ERCC8: variants seen among roughly 807,000 people sequenced by gnomAD.
ERCC8 encodes the protein DNA excision repair protein ERCC-8.
Under a neutral mutation model 54.9 loss-of-function variants are expected in ERCC8, and 52 were observed. The ratio of observed to expected loss-of-function variants is 0.95; its 90% confidence interval spans 0.76 to 1.19. The LOEUF (loss-of-function observed/expected upper bound fraction) is 1.19. Ranked by LOEUF, ERCC8 falls within the 50% of genes most tolerant of loss-of-function variation. ERCC8 has a pLI of 0.00. For synonymous variants in ERCC8, 146 were observed against 157.2 expected (o/e 0.93, Z 0.53); for missense variants, 514 against 466.1 (o/e 1.10, Z -0.95).
At chr5:60,892,637 C>T (rs1432546109) in intron 9 of ERCC8, 7 of 657,166 alleles carry the variant, frequency 1.1e-5, no homozygotes, top group Non-Finnish European at 1.7e-5. Context: ...AAATCTCCTC[C>T]AGGTTGCAGC....
At chr5:60,926,469 T>G (rs1481021094) in intron 2 of ERCC8, among the ~76,000 whole-genome samples, 2 of 152,222 alleles carry the variant, frequency 1.3e-5, no homozygotes, top group African/African-American at 4.8e-5. Flanking sequence ...ATAAATTCAA[T>G]ACCAATTTAT....
At chr5:60,932,192 A>G (rs887543173) in intron 1 of ERCC8, 5 of 152,330 alleles carry the variant, frequency 3.3e-5, no homozygotes, top group African/African-American at 1.2e-4. Context: ...CAATAATACT[A>G]TAAAGGGAAA....
rs1401142655 is a variant in ERCC8 at position 60,866,700 on chromosome 5, C to T, written c.*7915G>A. On this transcript the variant is annotated 3_prime_UTR_variant, in exon 12 of 12. Coordinates refer to ENST00000676185, the MANE Select transcript of ERCC8 (RefSeq NM_000082.4). The stretch of plus-strand genomic sequence containing the variant: ...TTTTATAATGACACTCTACCTCTGC[C>T]TTCAATGAACTTTAATTATAATTAG... 1.3e-5 allele frequency: 2 copies of T among 152,198 alleles called. No individual in the cohort carries two copies. The highest frequency in any genetic ancestry group is 2.1e-4 in the South Asian group (1 of 4,826). 9.4% of individuals were successfully genotyped at this position (152,198 alleles called of 1,614,324 possible).
At chr5:60,891,769 T>C (rs2112477585) in intron 9 of ERCC8, among the ~76,000 whole-genome samples, 1 of 152,248 alleles carries the variant, frequency 6.6e-6, no homozygotes, top group Admixed American at 6.5e-5. Flanking sequence ...GGACTCTTTT[T>C]CCTGGAGAGA....
intron 4 of ERCC8, among the ~76,000 whole-genome samples, chr5:60,905,571 A>C (rs1749047817): frequency 6.6e-6 from 1 of 152,176 alleles, no homozygotes; most frequent in South Asian, 2.1e-4. Context: ...GTGTTGGCAA[A>C]CTTTCTTTAA....
chr5:60,935,321 G>T (rs1033472012), intron 1 of ERCC8, among the ~76,000 whole-genome samples: 3 of 152,052 alleles, frequency 2.0e-5, no homozygotes, highest in East Asian at 1.9e-4. Context: ...TTGAGTTTTT[G>T]ATTTGATCCT....
At chr5:60,898,510 A>T in intron 8 of ERCC8, 110 bp from the exon 9 acceptor site, 1 of 1,230,716 alleles carries the variant, frequency 8.1e-7, no homozygotes, top group Non-Finnish European at 1.2e-6. Flanking sequence ...TTACTTAAAA[A>T]ATGTAAGTAG....
chr5:60,913,869 G>A (rs966122821), intron 4 of ERCC8, among the ~76,000 whole-genome samples: 20 of 152,114 alleles, frequency 1.3e-4, no homozygotes, highest in African/African-American at 4.1e-4. Context: ...TTATTCAGGA[G>A]CAGGTTGTTC....
At chr5:60,932,688 TCA>T (rs33986769) in intron 1 of ERCC8, among the ~76,000 whole-genome samples, 9,651 of 152,200 alleles carry the variant, frequency 0.063, 1,002 homozygotes, top group African/African-American at 0.22. Flanking sequence ...CTGTAATAAA[TCA>T]CAGTCATGAG....
At position 60,903,732 on chromosome 5, in the gene ERCC8, C is replaced by T. The variant is rs762499617; in HGVS notation, c.482-16G>A. On this transcript the variant is annotated splice_polypyrimidine_tract_variant and intron_variant, in intron 5 of 11. Coordinates refer to ENST00000676185, the MANE Select transcript of ERCC8 (RefSeq NM_000082.4). ...CTAGTACCAACTGTAAAAACAGAAC[C>T]GGTTTAAGATAATTTTATCATAAGT... is the stretch of plus-strand genomic sequence containing the variant. 6.8e-6 allele frequency: 11 copies of T among 1,610,386 alleles called. No homozygotes were observed. The highest frequency in any genetic ancestry group is 1.3e-5 in the African/African-American group (1 of 74,724).
rs1473679855 is a variant in ERCC8, at chr5:60,904,632, GTGTATA to G, written c.481+154_481+159del. 8.8e-3 allele frequency among the ~76,000 whole-genome samples: 316 copies of G among 35,726 alleles called. 1 individual carries two copies. Among genetic ancestry groups the G allele is most frequent in the South Asian group, 0.024 (22 of 932 alleles). The allele number at this position is 35,726 out of a possible 152,430, so 23.4% of individuals were successfully genotyped here. ...TGTTGAATATATATAGTGTGTGTGT[GTGTATA>G]TATATATATATATATATATATATAT... is the stretch of plus-strand genomic sequence containing the variant. On this transcript the variant is annotated intron_variant, in intron 5 of 11. Transcript: ENST00000676185.
chr5:60,905,989 G>A (rs1749058938), intron 4 of ERCC8, among the ~76,000 whole-genome samples: 3 of 152,134 alleles, frequency 2.0e-5, no homozygotes, highest in Admixed American at 6.5e-5. Flanking sequence ...GGGCCACAGG[G>A]GCAGTTGGCA....
chr5:60,906,793 T>A (rs976128644), intron 4 of ERCC8, among the ~76,000 whole-genome samples: 5 of 151,244 alleles, frequency 3.3e-5, no homozygotes, highest in East Asian at 1.9e-4. Flanking sequence ...AAAAATAGAG[T>A]ATTAACTAAA....
chr5:60,892,337 T>A (rs370472176), intron 9 of ERCC8: 2 of 554,676 alleles, frequency 3.6e-6, no homozygotes, highest in African/African-American at 3.8e-5. Flanking sequence ...CAATAGCTCA[T>A]CAGATTCTCC....
chr5:60,902,174 C>G (rs1459414899), intron 7 of ERCC8, among the ~76,000 whole-genome samples: 1 of 152,054 alleles, frequency 6.6e-6, no homozygotes, highest in Non-Finnish European at 1.5e-5. Flanking sequence ...AAAATTAGCA[C>G]TGTGTTATAC....
intron 1 of ERCC8, among the ~76,000 whole-genome samples, chr5:60,941,953 A>G (rs568643711): frequency 4.2e-4 from 64 of 152,316 alleles, no homozygotes; most frequent in African/African-American, 1.5e-3. Flanking sequence ...AATATAAAAT[A>G]TAAGACAACA....
intron 1 of ERCC8, among the ~76,000 whole-genome samples, chr5:60,938,073 ATATATATATATATTTTATTT>A (rs1561519045): frequency 0.018 from 558 of 30,658 alleles, 10 homozygotes; most frequent in Non-Finnish European, 0.024. Context: ...ATATATATAT[ATATATATATATATTTTATTT>A]TTTTTTTTTT....
At chr5:60,908,593 T>A (rs1466153185) in intron 4 of ERCC8, among the ~76,000 whole-genome samples, 3 of 148,916 alleles carry the variant, frequency 2.0e-5, no homozygotes, top group Admixed American at 6.7e-5. Context: ...ATTTTTTTTT[T>A]AAATAATGGC....
At position 60,939,716 on chromosome 5, in the gene ERCC8, G is replaced by A. The variant is rs911290903; in HGVS notation, c.77+5216C>T. ...TTGCCATGTTGCCCAGGCTGGTCTC[G>A]AACACCTGAGCTCAAGTGATCCACC... On this transcript the variant is annotated intron_variant, in intron 1 of 11. Transcript: ENST00000676185. 3.3e-5 allele frequency among the ~76,000 whole-genome samples: 5 copies of A among 152,006 alleles called. No homozygotes were observed. The East Asian group carries it at 7.7e-4, about 23-fold the overall frequency.
Sources: allele counts gnomAD v4.1 joint callset (sites outside exome capture counted in the v4.1 genomes callset), GRCh38; gene constraint gnomAD v4.1.1; transcripts MANE v1.5; gene names NCBI Gene and HGNC (gene_info 2026-07-23, HGNC 2026-07-21).